AFF3: variants seen among roughly 807,000 people sequenced by gnomAD.
AFF3 encodes AF4/FMR2 family member 3.
AFF3 carries 32 observed loss-of-function variants against 129.7 expected under a neutral mutation model. That is an observed-to-expected ratio of 0.25 (90% CI 0.19 to 0.33). The LOEUF (loss-of-function observed/expected upper bound fraction) is 0.33. Among genes scored for constraint, AFF3 ranks in the 10% least tolerant of loss-of-function variants. AFF3 has a pLI of 1.00. For synonymous variants in AFF3, 644 were observed against 635.4 expected, an observed-to-expected ratio of 1.01 and a Z score of -0.20; for missense variants, 1,373 against 1,592.0, an observed-to-expected ratio of 0.86 and a Z score of 2.34.
At chr2:100,069,330 AG>A (rs200735435) in intron 4 of AFF3, among the ~76,000 whole-genome samples, 1 of 152,154 alleles carries the variant, frequency 6.6e-6, no homozygotes, top group South Asian at 2.1e-4. Context: ...TACCCTCCAG[AG>A]GGGGGTCCAG....
intron 13 of AFF3, among the ~76,000 whole-genome samples, chr2:99,631,352 A>C (rs1267042635): frequency 6.6e-6 from 1 of 152,168 alleles, no homozygotes; most frequent in East Asian, 1.9e-4. Flanking sequence ...AAATACATAC[A>C]ATATAAAAAT....
rs1674156709 is a variant in AFF3 at position 99,677,972 on chromosome 2, C to G, written c.1092-5383G>C. Among the ~76,000 whole-genome samples the G allele has an allele frequency of 3.9e-5, 6 of 152,316 alleles. No individual in the cohort carries two copies. In the South Asian group the frequency reaches 1.2e-3, roughly 32 times the overall value. On this transcript the variant is annotated intron_variant, in intron 11 of 24. Transcript: ENST00000672756. ...TATCTGGGACTACAGACGCCGGCTA[C>G]CACGCCTGGCCAAACCCCCAACTGT...
At chr2:99,916,709 C>T (rs941863828) in intron 7 of AFF3, among the ~76,000 whole-genome samples, 1 of 152,070 alleles carries the variant, frequency 6.6e-6, no homozygotes, top group Non-Finnish European at 1.5e-5. Context: ...TCTCCAGTCA[C>T]GTCCTGAGAA....
At chr2:99,701,214 T>G (rs962878594) in intron 11 of AFF3, among the ~76,000 whole-genome samples, 9 of 152,106 alleles carry the variant, frequency 5.9e-5, no homozygotes, top group Non-Finnish European at 8.8e-5. Flanking sequence ...CTCCCATGCA[T>G]TTTCAGCTTA....
At chr2:99,672,633 G>C in intron 11 of AFF3, 44 bp from the exon 12 acceptor site, 1 of 1,583,770 alleles carries the variant, frequency 6.3e-7, no homozygotes, top group Non-Finnish European at 8.7e-7. Flanking sequence ...CAGATAGTTA[G>C]TGGATTCAGA....
chr2:99,776,193 T>C (rs1683891540), intron 8 of AFF3, among the ~76,000 whole-genome samples: 1 of 152,232 alleles, frequency 6.6e-6, no homozygotes, highest in Non-Finnish European at 1.5e-5. Context: ...TTCCTTATAA[T>C]TGTGTCTCTT....
chr2:99,632,009 T>TA (rs1491131563), intron 13 of AFF3, among the ~76,000 whole-genome samples: 1 of 9,738 alleles, frequency 1.0e-4, no homozygotes, highest in Non-Finnish European at 2.4e-4. Flanking sequence ...TTGCCAACAC[T>TA]TTTTTTTTTT....
At position 99,932,760 on chromosome 2, in the gene AFF3, G is replaced by A. The variant is rs141860009; in HGVS notation, c.873+73872C>T. The stretch of plus-strand genomic sequence containing the variant: ...CCACAACATCAGTTTTACACTCTTA[G>A]GATAAGAAAATTCATTTTCAAGAGT... On this transcript the variant is annotated intron_variant, in intron 7 of 24. Transcript: ENST00000672756. Among the ~76,000 whole-genome samples, 317 of 152,278 alleles carry A rather than the reference G, an allele frequency of 2.1e-3. 1 individual carries two copies. Among genetic ancestry groups the A allele is most frequent in the African/African-American group, 7.2e-3 (299 of 41,564 alleles).
At chr2:99,555,962 AT>A (rs1205789910) in intron 22 of AFF3, among the ~76,000 whole-genome samples, 2 of 152,194 alleles carry the variant, frequency 1.3e-5, no homozygotes, top group Non-Finnish European at 2.9e-5. Context: ...AGGGGAGCTT[AT>A]CCTCCCTTTC....
rs754085390 is a variant in AFF3 at position 99,554,435 on chromosome 2, C to T, written c.3435G>A (p.Ser1145=). Residue 1145 remains serine, a synonymous_variant, in exon 24 of 25, where the codon TCG becomes TCA. Coordinates refer to ENST00000672756, the MANE Select transcript of AFF3 (RefSeq NM_001386135.1). The stretch of plus-strand genomic sequence containing the variant: ...TGCGCTGTGGGATGCTGACGATGGT[C>T]GACGGGGACAGGGCGCTGGCGTTGG... The part of the protein sequence containing the change: ...SLSNASALSP[S]TIVSIPQRIH... The T allele has an allele frequency of 1.4e-5, 23 of 1,613,928 alleles. No homozygotes were observed. The highest frequency in any genetic ancestry group is 4.0e-5 in the African/African-American group (3 of 74,882).
chr2:99,735,987 T>G (rs1392300475), intron 10 of AFF3, among the ~76,000 whole-genome samples: 1 of 152,238 alleles, frequency 6.6e-6, no homozygotes, highest in Non-Finnish European at 1.5e-5. Flanking sequence ...TTAATCATAC[T>G]GTGGTTGGAG....
At position 100,083,720 on chromosome 2, in the gene AFF3, GAAAGGA is replaced by G. The variant is rs140115026; in HGVS notation, c.53+20676_53+20681del. On this transcript the variant is annotated intron_variant, in intron 4 of 24. Coordinates refer to ENST00000672756, the MANE Select transcript of AFF3 (RefSeq NM_001386135.1). ...CTTCTCAGGAAAGACAAAAATGAAA[GAAAGGA>G]ACAGAAATGCAGAGACGATGAGAGG... 2.1e-3 allele frequency among the ~76,000 whole-genome samples: 316 copies of G among 152,180 alleles called. 3 individuals are homozygous for G. The highest frequency in any genetic ancestry group is 7.4e-3 in the African/African-American group (307 of 41,504).
chr2:99,953,799 A>T (rs1381708214), intron 7 of AFF3, among the ~76,000 whole-genome samples: 1 of 152,224 alleles, frequency 6.6e-6, no homozygotes, highest in African/African-American at 2.4e-5. Context: ...TGGACACATG[A>T]GGGACGGTGA....
chr2:100,005,673 G>A (rs1681905960), intron 7 of AFF3, among the ~76,000 whole-genome samples: 1 of 152,182 alleles, frequency 6.6e-6, no homozygotes, highest in African/African-American at 2.4e-5. Context: ...CAAAACCAGT[G>A]TAAACATCTC....
At chr2:100,013,749 T>A (rs1682752017) in intron 4 of AFF3, among the ~76,000 whole-genome samples, 1 of 152,216 alleles carries the variant, frequency 6.6e-6, no homozygotes, top group South Asian at 2.1e-4. Context: ...TATAATTTTT[T>A]ACAGCCCCCA....
At chr2:100,016,958 GTGA>G (rs1002452870) in intron 4 of AFF3, among the ~76,000 whole-genome samples, 7 of 151,354 alleles carry the variant, frequency 4.6e-5, no homozygotes, top group African/African-American at 9.7e-5. Flanking sequence ...GTTGATGGTG[GTGA>G]TGATGGTGGT....
chr2:99,691,626 G>A (rs528810084), intron 11 of AFF3, among the ~76,000 whole-genome samples: 1 of 152,330 alleles, frequency 6.6e-6, no homozygotes, highest in South Asian at 2.1e-4. Context: ...CTTTGGTCTT[G>A]TTTTTGGCAC....
chr2:100,099,173 ACT>A (rs1465485763), intron 4 of AFF3, among the ~76,000 whole-genome samples: 2 of 147,338 alleles, frequency 1.4e-5, no homozygotes, highest in Non-Finnish European at 1.5e-5. Flanking sequence ...CTTTCTTTGT[ACT>A]CTGTTTTGAC....
intron 12 of AFF3, among the ~76,000 whole-genome samples, chr2:99,651,173 C>CAAAAA (rs113457105): frequency 8.2e-6 from 1 of 122,016 alleles, no homozygotes. Flanking sequence ...AAGTCTGTCT[C>CAAAAA]AAAAAAAAAA....
Sources: gnomAD v4.1 joint callset for allele counts (sites outside exome capture counted in the v4.1 genomes callset) on GRCh38, gnomAD v4.1.1 for gene constraint, MANE v1.5 for transcripts, NCBI Gene and HGNC (gene_info 2026-07-23, HGNC 2026-07-21) for gene names.